WWOX: variants seen among roughly 807,000 people sequenced by gnomAD.
WWOX encodes WW domain-containing oxidoreductase.
A neutral mutation model predicts 46.2 loss-of-function variants in WWOX; 69 were observed. That is an observed-to-expected ratio of 1.49 (90% confidence interval 1.23 to 1.82). WWOX has a LOEUF of 1.82. Ranked by LOEUF, WWOX falls within the 40% of genes most tolerant of loss-of-function variation. The probability of loss-of-function intolerance (pLI) is 0.00; values close to 1 mark genes in which losing one functional copy is unlikely to be tolerated. For synonymous variants in WWOX, 359 were observed against 202.6 expected (o/e 1.77, Z -6.56); for missense variants, 919 against 542.6 (o/e 1.69, Z -6.89).
chr16:78,175,161 C>T (rs949921846), intron 5 of WWOX, among the ~76,000 whole-genome samples: 1 of 152,102 alleles, frequency 6.6e-6, no homozygotes, highest in South Asian at 2.1e-4. Flanking sequence ...AGCTAGCTGG[C>T]CTTCCACAGG....
At chr16:78,832,891 T>C (rs1479996178) in intron 8 of WWOX, among the ~76,000 whole-genome samples, 2 of 152,150 alleles carry the variant, frequency 1.3e-5, no homozygotes, top group African/African-American at 4.8e-5. Flanking sequence ...CTCATGCAGT[T>C]CTATTTATTT....
At chr16:78,668,241 A>G (rs1288065913) in intron 8 of WWOX, among the ~76,000 whole-genome samples, 1 of 152,176 alleles carries the variant, frequency 6.6e-6, no homozygotes, top group Non-Finnish European at 1.5e-5. Context: ...GATCTATGCC[A>G]TTGCACTCCA....
chr16:78,445,545 T>C (rs2151402699), intron 8 of WWOX, among the ~76,000 whole-genome samples: 1 of 152,256 alleles, frequency 6.6e-6, no homozygotes, highest in Non-Finnish European at 1.5e-5. Flanking sequence ...AGCTTTAATT[T>C]GAGTAATTGT....
At chr16:79,015,149 G>A (rs1440289690) in intron 8 of WWOX, among the ~76,000 whole-genome samples, 1 of 152,200 alleles carries the variant, frequency 6.6e-6, no homozygotes, top group Non-Finnish European at 1.5e-5. Flanking sequence ...TTGGGTTGGA[G>A]TACTTCTCCT....
At chr16:78,753,856 G>GTATATA (rs1264626542) in intron 8 of WWOX, among the ~76,000 whole-genome samples, 1 of 59,326 alleles carries the variant, frequency 1.7e-5, no homozygotes, top group East Asian at 7.1e-4. Flanking sequence ...ATATATATAT[G>GTATATA]TATATGTATA....
intron 8 of WWOX, among the ~76,000 whole-genome samples, chr16:78,651,007 T>A (rs2548851): frequency 6.6e-6 from 1 of 152,240 alleles, no homozygotes; most frequent in Non-Finnish European, 1.5e-5. Flanking sequence ...CTGATAGAGA[T>A]TTGGCTTTTC....
chr16:78,555,929 C>T (rs149409602), intron 8 of WWOX, among the ~76,000 whole-genome samples: 4 of 152,110 alleles, frequency 2.6e-5, no homozygotes, highest in African/African-American at 9.6e-5. Context: ...ATTTATTATT[C>T]TGTGATAATA....
chr16:78,439,191 GT>G (rs1256906185), intron 8 of WWOX, among the ~76,000 whole-genome samples: 1 of 152,158 alleles, frequency 6.6e-6, no homozygotes, highest in African/African-American at 2.4e-5. Context: ...GGGAAATATG[GT>G]TTTCAAAGTG....
chr16:78,884,940 A>T (rs768401749), intron 8 of WWOX, among the ~76,000 whole-genome samples: 5 of 152,204 alleles, frequency 3.3e-5, no homozygotes, highest in Non-Finnish European at 7.3e-5. Flanking sequence ...CCATCAATTC[A>T]TGTTACCCAG....
chr16:78,338,998 G>A (rs75726879), intron 5 of WWOX, among the ~76,000 whole-genome samples: 1,350 of 119,924 alleles, frequency 0.011, 288 homozygotes, highest in East Asian at 0.059. Context: ...CATGTAAACT[G>A]TTACTTCTTC....
chr16:78,770,595 G>T (rs1370911061), intron 8 of WWOX, among the ~76,000 whole-genome samples: 2 of 152,178 alleles, frequency 1.3e-5, no homozygotes, highest in East Asian at 3.9e-4. Context: ...TCTGTGGGAG[G>T]TGCCTACCAA....
rs552554529 is a variant in WWOX, at chr16:78,283,350, C to G, written c.517-103510C>G. On this transcript the variant is annotated intron_variant, in intron 5 of 8. Coordinates refer to ENST00000566780, the MANE Select transcript of WWOX (RefSeq NM_016373.4). ...ACACCTCCAAGTGCAGGTGTACAGACTGACATCAAACCTTTCATCCCGCCC... is the reference window on the plus strand; with the variant it reads ...ACACCTCCAAGTGCAGGTGTACAGAGTGACATCAAACCTTTCATCCCGCCC... Among the ~76,000 whole-genome samples, 482 of 152,322 alleles carry G rather than the reference C, an allele frequency of 3.2e-3. 3 individuals carry two copies. The highest frequency in any genetic ancestry group is 0.021 in the South Asian group (102 of 4,822).
At chr16:78,728,172 C>G (rs1371321613) in intron 8 of WWOX, among the ~76,000 whole-genome samples, 1 of 142,786 alleles carries the variant, frequency 7.0e-6, no homozygotes, top group African/African-American at 2.6e-5. Flanking sequence ...TCAAGTGATT[C>G]TCCTGCCTCA....
At chr16:78,761,870 T>A (rs1162353916) in intron 8 of WWOX, among the ~76,000 whole-genome samples, 1 of 152,200 alleles carries the variant, frequency 6.6e-6, no homozygotes, top group Non-Finnish European at 1.5e-5. Flanking sequence ...ACTAGTTCAT[T>A]AGTGCTAACT....
intron 8 of WWOX, among the ~76,000 whole-genome samples, chr16:78,988,399 A>T (rs1010250705): frequency 1.3e-5 from 2 of 151,920 alleles, no homozygotes; most frequent in African/African-American, 4.8e-5. Flanking sequence ...AGAGGTAGTA[A>T]TAGGGGTGGC....
intron 8 of WWOX, among the ~76,000 whole-genome samples, chr16:79,207,424 TCTC>T (rs1162031791): frequency 6.6e-6 from 1 of 152,236 alleles, no homozygotes; most frequent in Non-Finnish European, 1.5e-5. Context: ...AAAGGGCTGT[TCTC>T]CTTCCCTGCT....
At chr16:79,071,865 C>T (rs1348354334) in intron 8 of WWOX, among the ~76,000 whole-genome samples, 2 of 152,202 alleles carry the variant, frequency 1.3e-5, no homozygotes, top group Non-Finnish European at 2.9e-5. Flanking sequence ...AGCAGTGTTG[C>T]AACCAACTCC....
At chr16:78,946,911 A>T (rs1346832500) in intron 8 of WWOX, among the ~76,000 whole-genome samples, 2 of 152,170 alleles carry the variant, frequency 1.3e-5, no homozygotes, top group African/African-American at 4.8e-5. Context: ...AGTCAGTAGG[A>T]TAGTTTCCCT....
At chr16:78,997,154 G>C (rs556614149) in intron 8 of WWOX, among the ~76,000 whole-genome samples, 2 of 151,872 alleles carry the variant, frequency 1.3e-5, no homozygotes, top group East Asian at 3.9e-4. Context: ...GCCTGGTGAG[G>C]GGGGTGCTAT....
Sources: gnomAD v4.1 joint callset for allele counts (sites outside exome capture counted in the v4.1 genomes callset) on GRCh38, gnomAD v4.1.1 for gene constraint, MANE v1.5 for transcripts, NCBI Gene and HGNC (gene_info 2026-07-23, HGNC 2026-07-21) for gene names.